Variants in CACNA1C observed in about 807,000 individuals in gnomAD.
The protein encoded by CACNA1C is calcium voltage-gated channel subunit alpha1 C, also known as voltage-dependent L-type calcium channel subunit alpha-1C.
CACNA1C carries 30 observed loss-of-function variants against 229.0 expected under a neutral mutation model. That is an observed-to-expected ratio of 0.13 (90% CI 0.10 to 0.18). The LOEUF (loss-of-function observed/expected upper bound fraction) is 0.18. Ranked by LOEUF, CACNA1C falls within the 10% of genes least tolerant of loss-of-function variation. CACNA1C has a pLI of 1.00. For missense variants in CACNA1C, 1,658 were observed against 2,845.0 expected, an observed-to-expected ratio of 0.58 and a Z score of 9.49; for synonymous variants, 1,114 against 1,132.5, an observed-to-expected ratio of 0.98 and a Z score of 0.33.
chr12:2,214,014 T>C (rs77435346), intron 3 of CACNA1C, among the ~76,000 whole-genome samples: 374 of 152,238 alleles, frequency 2.5e-3, no homozygotes, highest in Admixed American at 3.9e-3. Flanking sequence ...GGCGCTCACA[T>C]TGGGGAGGGA....
At chr12:2,544,211 A>T (rs1044866891) in intron 9 of CACNA1C, among the ~76,000 whole-genome samples, 9 of 152,070 alleles carry the variant, frequency 5.9e-5, no homozygotes, top group African/African-American at 2.2e-4. Flanking sequence ...CTTAAAGATG[A>T]GTGTGTGAGA....
intron 3 of CACNA1C, among the ~76,000 whole-genome samples, chr12:2,427,427 C>G (rs2099042855): frequency 6.6e-6 from 1 of 151,918 alleles, no homozygotes; most frequent in African/African-American, 2.4e-5. Flanking sequence ...ATTTCTTTTG[C>G]TTTTGTACTG....
intron 42 of CACNA1C, among the ~76,000 whole-genome samples, chr12:2,681,676 G>A (rs1028443977): frequency 3.9e-5 from 6 of 152,088 alleles, no homozygotes; most frequent in Non-Finnish European, 5.9e-5. Flanking sequence ...CTTCCACTGC[G>A]GGGCGGGTGG....
intron 3 of CACNA1C, among the ~76,000 whole-genome samples, chr12:2,391,185 G>A (rs1000362577): frequency 1.3e-5 from 2 of 152,208 alleles, no homozygotes; most frequent in Admixed American, 1.3e-4. Context: ...CAGGAGAGCA[G>A]CTAAGTCTGA....
At chr12:2,283,798 T>C (rs750480244) in intron 3 of CACNA1C, among the ~76,000 whole-genome samples, 19 of 152,212 alleles carry the variant, frequency 1.2e-4, no homozygotes, top group African/African-American at 3.1e-4. Flanking sequence ...AGAAAGGGCC[T>C]AGGACATGCA....
intron 11 of CACNA1C, among the ~76,000 whole-genome samples, chr12:2,565,324 G>T (rs551476415): frequency 6.6e-6 from 1 of 151,716 alleles, no homozygotes; most frequent in Non-Finnish European, 1.5e-5. Context: ...AAAATTAGCC[G>T]GGCGCGGTGG....
chr12:2,113,304 C>A (rs546924796), intron 1 of CACNA1C, among the ~76,000 whole-genome samples: 1 of 151,934 alleles, frequency 6.6e-6, no homozygotes, highest in Non-Finnish European at 1.5e-5. Flanking sequence ...CCTGTGGGGA[C>A]GGGGTGGAGG....
intron 3 of CACNA1C, among the ~76,000 whole-genome samples, chr12:2,232,402 T>A (rs925646937): frequency 3.3e-5 from 5 of 152,122 alleles, no homozygotes; most frequent in African/African-American, 1.2e-4. Flanking sequence ...AATGCATACT[T>A]CTGAATATCA....
rs1448027187 is a variant in CACNA1C at position 2,488,823 on chromosome 12, T to C, written c.916+2561T>C. Reference sequence around the variant, plus strand: ...TGCAGAAGCCTGTCCTCTCAAATACTCTGCAATCAGGAGCTTGCTGTCCCT... The same window carrying C: ...TGCAGAAGCCTGTCCTCTCAAATACCCTGCAATCAGGAGCTTGCTGTCCCT... On this transcript the variant is annotated intron_variant, in intron 6 of 46. Transcript: ENST00000399655. The surrounding 1 kb of genome is among the most constrained non-coding windows in gnomAD (Gnocchi z 4.0). Among the ~76,000 whole-genome samples the C allele has an allele frequency of 6.6e-6, 1 of 152,180 alleles. No individual in the cohort carries two copies. The highest frequency in any genetic ancestry group is 1.9e-4 in the East Asian group (1 of 5,192).
chr12:2,641,944 G>T (rs1274232236), intron 30 of CACNA1C, among the ~76,000 whole-genome samples: 1 of 152,148 alleles, frequency 6.6e-6, no homozygotes, highest in Non-Finnish European at 1.5e-5. Context: ...CCCCTGGGAG[G>T]AGGCCGAATG....
At chr12:1,994,219 G>T (rs558979852) in intron 1 of CACNA1C, among the ~76,000 whole-genome samples, 6 of 152,294 alleles carry the variant, frequency 3.9e-5, no homozygotes, top group Admixed American at 3.9e-4. Context: ...GGTGACAAAT[G>T]AAACACCACA....
intron 9 of CACNA1C, among the ~76,000 whole-genome samples, chr12:2,541,023 T>C (rs969808888): frequency 2.0e-5 from 3 of 152,164 alleles, no homozygotes; most frequent in African/African-American, 4.8e-5. Context: ...CAGGTGGCTG[T>C]CTTGTCTCTG....
At chr12:2,250,069 G>C (rs777640708) in intron 3 of CACNA1C, among the ~76,000 whole-genome samples, 1 of 152,008 alleles carries the variant, frequency 6.6e-6, no homozygotes, top group Non-Finnish European at 1.5e-5. Flanking sequence ...CGGCCTCCCA[G>C]AGTGCTGGGA....
chr12:2,056,341 C>G (rs983842813), intron 1 of CACNA1C, among the ~76,000 whole-genome samples: 4 of 152,112 alleles, frequency 2.6e-5, no homozygotes, highest in African/African-American at 9.7e-5. Context: ...GTGGCACACT[C>G]AAGCCTTGCC....
intron 7 of CACNA1C, among the ~76,000 whole-genome samples, chr12:2,495,075 G>A (rs972209379): frequency 2.6e-5 from 4 of 152,178 alleles, no homozygotes; most frequent in African/African-American, 9.7e-5. Context: ...AGAAGACAAA[G>A]GTCAGAACCC....
chr12:2,065,591 A>G (rs139809399), intron 1 of CACNA1C, among the ~76,000 whole-genome samples: 3 of 152,342 alleles, frequency 2.0e-5, no homozygotes, highest in Admixed American at 6.5e-5. Flanking sequence ...ATGCCTAGAC[A>G]CACAGACATC....
intron 1 of CACNA1C, among the ~76,000 whole-genome samples, chr12:2,105,362 C>T (rs913388723): frequency 1.7e-4 from 26 of 152,282 alleles, no homozygotes; most frequent in African/African-American, 5.5e-4. Flanking sequence ...GGCGCCCTCA[C>T]GGTCTCCTTG....
At chr12:2,035,354 CTGTTT>C (rs2154493092) in intron 1 of CACNA1C, among the ~76,000 whole-genome samples, 1 of 152,338 alleles carries the variant, frequency 6.6e-6, no homozygotes, top group South Asian at 2.1e-4. Flanking sequence ...AAGAAGGGCT[CTGTTT>C]CTTGGAGCCC....
At chr12:2,304,906 G>A (rs1240254319) in intron 3 of CACNA1C, among the ~76,000 whole-genome samples, 2 of 152,198 alleles carry the variant, frequency 1.3e-5, no homozygotes, top group East Asian at 3.8e-4. Flanking sequence ...CCATGCCCGG[G>A]GGCTTTATGT....
Sources: allele counts gnomAD v4.1 joint callset (sites outside exome capture counted in the v4.1 genomes callset), GRCh38; gene constraint gnomAD v4.1.1; non-coding constraint Gnocchi (gnomAD v3.1); transcripts MANE v1.5; gene names NCBI Gene and HGNC (gene_info 2026-07-23, HGNC 2026-07-21).